TANGO6: variants seen among roughly 807,000 people sequenced by gnomAD.
The protein encoded by TANGO6 is transport and golgi organization 6 homolog, also known as transport and Golgi organization protein 6 homolog.
In TANGO6, 90 loss-of-function variants were observed where a neutral mutation model predicts 114.2. That is an observed-to-expected ratio of 0.79 (90% confidence interval 0.66 to 0.94). TANGO6 has a LOEUF of 0.94. Ranked by LOEUF, TANGO6 falls within the 40% of genes least tolerant of loss-of-function variation. The probability of loss-of-function intolerance (pLI) is 0.00; values close to 1 mark genes in which losing one functional copy is unlikely to be tolerated. For missense variants in TANGO6, 1,274 were observed against 1,315.3 expected (o/e 0.97, Z 0.49); for synonymous variants, 477 against 509.8 (o/e 0.94, Z 0.87).
intron 17 of TANGO6, among the ~76,000 whole-genome samples, chr16:69,053,087 G>A (rs1262102410): frequency 6.6e-6 from 1 of 152,076 alleles, no homozygotes; most frequent in Non-Finnish European, 1.5e-5. Context: ...CTGGCAACAA[G>A]GGCGAAACTC....
At chr16:68,953,447 A>G (rs141753536) in intron 14 of TANGO6, among the ~76,000 whole-genome samples, 1 of 152,264 alleles carries the variant, frequency 6.6e-6, no homozygotes, top group Non-Finnish European at 1.5e-5. Context: ...ACTGAGAAAA[A>G]CAGTCATGTC....
chr16:69,038,406 GAT>G (rs1959723648), intron 16 of TANGO6, among the ~76,000 whole-genome samples: 1 of 151,778 alleles, frequency 6.6e-6, no homozygotes, highest in Non-Finnish European at 1.5e-5. Context: ...CTCCAGCCTG[GAT>G]GACAGAGCGA....
intron 17 of TANGO6, among the ~76,000 whole-genome samples, chr16:69,075,349 C>G (rs1191852519): frequency 6.6e-6 from 1 of 152,140 alleles, no homozygotes; most frequent in East Asian, 1.9e-4. Flanking sequence ...AGCTCCTACA[C>G]AGAATCACTG....
rs753835771 is a variant in TANGO6, at chr16:68,860,538, G to A, written c.735+14G>A. 6 of 1,606,232 alleles carry A rather than the reference G, an allele frequency of 3.7e-6. No homozygotes were observed. In the Admixed American group the frequency reaches 1.0e-4, roughly 27 times the overall value. On this transcript the variant is annotated intron_variant, in intron 2 of 17. Coordinates refer to ENST00000261778, the MANE Select transcript of TANGO6 (RefSeq NM_024562.2). ...CCTGCAGAAGAGGTAAATATACATT[G>A]AGAAAGAGAGAGGGAGAGATTGTGT...
chr16:68,885,332 T>C (rs1453088491), intron 7 of TANGO6, among the ~76,000 whole-genome samples: 3 of 152,192 alleles, frequency 2.0e-5, no homozygotes, highest in African/African-American at 7.2e-5. Context: ...TCATTTCAAG[T>C]GTACAGCTCA....
chr16:69,005,255 G>T (rs970382229), intron 15 of TANGO6, among the ~76,000 whole-genome samples: 1 of 151,260 alleles, frequency 6.6e-6, no homozygotes, highest in Admixed American at 6.6e-5. Context: ...AAGAAAAAAG[G>T]ATAAGCATGC....
intron 14 of TANGO6, among the ~76,000 whole-genome samples, chr16:68,967,882 A>G (rs1336622996): frequency 2.0e-5 from 3 of 152,136 alleles, no homozygotes; most frequent in Non-Finnish European, 4.4e-5. Context: ...ACTAAGTAAA[A>G]GTACACGACA....
At chr16:69,075,891 A>G (rs1243540455) in intron 17 of TANGO6, among the ~76,000 whole-genome samples, 1 of 150,330 alleles carries the variant, frequency 6.7e-6, no homozygotes, top group Non-Finnish European at 1.5e-5. Flanking sequence ...CAGCCTCCCA[A>G]GTAGCTGGGA....
intron 9 of TANGO6, among the ~76,000 whole-genome samples, chr16:68,904,492 T>C (rs1405590018): frequency 6.6e-6 from 1 of 152,204 alleles, no homozygotes; most frequent in Non-Finnish European, 1.5e-5. Context: ...ATTAGAGGAA[T>C]ATGAAGTCCA....
chr16:68,943,612 T>G (rs973774051), intron 14 of TANGO6, among the ~76,000 whole-genome samples: 4 of 151,514 alleles, frequency 2.6e-5, no homozygotes, highest in African/African-American at 4.9e-5. Context: ...TGATCTGCCC[T>G]CCTTGGCCTC....
At chr16:68,871,808 C>T (rs1284854008) in intron 4 of TANGO6, among the ~76,000 whole-genome samples, 2 of 152,152 alleles carry the variant, frequency 1.3e-5, no homozygotes, top group African/African-American at 2.4e-5. Context: ...TTAGTAGGGA[C>T]AGGGTTTCGA....
At chr16:69,016,650 TTTA>T in intron 15 of TANGO6, among the ~76,000 whole-genome samples, 1 of 152,102 alleles carries the variant, frequency 6.6e-6, no homozygotes, top group South Asian at 2.1e-4. Context: ...AAATATTTAT[TTTA>T]TGTATTTTAT....
chr16:69,061,029 A>G (rs1960108602), intron 17 of TANGO6, among the ~76,000 whole-genome samples: 1 of 151,932 alleles, frequency 6.6e-6, no homozygotes, highest in African/African-American at 2.4e-5. Context: ...AAAGACTGGG[A>G]ATTCTGGGAC....
chr16:69,021,431 C>T (rs1429063297), intron 15 of TANGO6, among the ~76,000 whole-genome samples: 1 of 152,196 alleles, frequency 6.6e-6, no homozygotes, highest in African/African-American at 2.4e-5. Flanking sequence ...AAGTCGGCCA[C>T]CATTCCCATT....
At chr16:68,972,795 G>T (rs1251665275) in intron 14 of TANGO6, among the ~76,000 whole-genome samples, 8 of 152,176 alleles carry the variant, frequency 5.3e-5, no homozygotes, top group Non-Finnish European at 1.2e-4. Flanking sequence ...AGTGGCAGGG[G>T]AAGGAGGGTG....
intron 2 of TANGO6, among the ~76,000 whole-genome samples, chr16:68,861,371 T>C (rs1962090011): frequency 6.6e-6 from 1 of 152,242 alleles, no homozygotes; most frequent in African/African-American, 2.4e-5. Flanking sequence ...TCGTTGTCGT[T>C]GTTCCTTTTC....
At chr16:68,924,659 G>A (rs947458161) in intron 12 of TANGO6, among the ~76,000 whole-genome samples, 9 of 150,516 alleles carry the variant, frequency 6.0e-5, no homozygotes, top group African/African-American at 1.7e-4. Flanking sequence ...GTATGGTGGC[G>A]GGCACCTGTC....
chr16:69,000,601 CT>C (rs975044599), intron 15 of TANGO6, among the ~76,000 whole-genome samples: 2 of 144,090 alleles, frequency 1.4e-5, no homozygotes, highest in Non-Finnish European at 3.1e-5. Context: ...TTTTTTTTTT[CT>C]TTTTTTTGAG....
intron 9 of TANGO6, among the ~76,000 whole-genome samples, chr16:68,905,089 G>A (rs921802638): frequency 7.2e-5 from 11 of 152,092 alleles, no homozygotes; most frequent in African/African-American, 2.7e-4. Flanking sequence ...GGGCGTGGTG[G>A]CATGGTGGCG....
Sources: gnomAD v4.1 joint callset for allele counts (sites outside exome capture counted in the v4.1 genomes callset) on GRCh38, gnomAD v4.1.1 for gene constraint, MANE v1.5 for transcripts, NCBI Gene and HGNC (gene_info 2026-07-23, HGNC 2026-07-21) for gene names.